The following PKN2 variants were observed in gnomAD, a reference collection of about 807,000 sequenced individuals.
PKN2 encodes the protein serine/threonine-protein kinase N2.
A neutral mutation model predicts 119.1 loss-of-function variants in PKN2; 38 were observed. The ratio of observed to expected loss-of-function variants is 0.32; its 90% CI spans 0.25 to 0.42. The LOEUF (loss-of-function observed/expected upper bound fraction) is 0.42. Among genes scored for constraint, PKN2 ranks in the 10% least tolerant of loss-of-function variants. The pLI is 1.00. For missense variants in PKN2, 850 were observed against 1,165.1 expected (o/e 0.73, Z 3.94); for synonymous variants, 390 against 384.9 (o/e 1.01, Z -0.15).
At chr1:88,733,917 G>A (rs183253777) in intron 1 of PKN2, among the ~76,000 whole-genome samples, 23 of 151,776 alleles carry the variant, frequency 1.5e-4, no homozygotes, top group Non-Finnish European at 2.6e-4. Context: ...CCAACAATTT[G>A]GGGGGGTCAA....
chr1:88,718,608 T>G (rs1667548805), intron 1 of PKN2, among the ~76,000 whole-genome samples: 1 of 152,232 alleles, frequency 6.6e-6, no homozygotes, highest in Non-Finnish European at 1.5e-5. Context: ...ACATGGCATT[T>G]GAACTGAAAA....
At chr1:88,829,275 A>G (rs999879889) in intron 19 of PKN2, 12 of 652,694 alleles carry the variant, frequency 1.8e-5, no homozygotes, top group Non-Finnish European at 2.9e-5. Flanking sequence ...AATGAAACCA[A>G]TGAGGTCAAT....
intron 6 of PKN2, among the ~76,000 whole-genome samples, chr1:88,774,901 G>T (rs1345906082): frequency 6.6e-6 from 1 of 151,826 alleles, no homozygotes; most frequent in Non-Finnish European, 1.5e-5. Flanking sequence ...TAGCAATGGC[G>T]TCTCACTGTG....
In PKN2 at chr1:88,833,790, G is replaced by A; in HGVS notation, c.*342G>A. Reference sequence around the variant, plus strand: ...TTTATAGTCCCTAGCTTTGCCATATGCCCGCCTTAAGTGGAAGGAAAGTTA... The same window carrying A: ...TTTATAGTCCCTAGCTTTGCCATATACCCGCCTTAAGTGGAAGGAAAGTTA... On this transcript the variant is annotated 3_prime_UTR_variant, in exon 22 of 22. Transcript: ENST00000370521. The A allele has an allele frequency of 1.1e-5, 2 of 188,548 alleles. No individual in the cohort carries two copies. Among genetic ancestry groups the A allele is most frequent in the Non-Finnish European group, 2.2e-5 (2 of 92,108 alleles). The allele number at this position is 188,548 out of a possible 1,614,324, so 11.7% of individuals were successfully genotyped here.
intron 1 of PKN2, among the ~76,000 whole-genome samples, chr1:88,731,149 G>GC (rs1278202671): frequency 2.0e-5 from 3 of 151,868 alleles, no homozygotes; most frequent in Non-Finnish European, 1.5e-5. Context: ...TTTGAATAAA[G>GC]TTTTTTTTTA....
intron 4 of PKN2, among the ~76,000 whole-genome samples, chr1:88,770,820 C>G (rs1452879138): frequency 6.6e-6 from 1 of 150,748 alleles, no homozygotes; most frequent in Non-Finnish European, 1.5e-5. Flanking sequence ...CTCCTGACCT[C>G]GTGATCCGCC....
In PKN2 at chr1:88,835,447, A is replaced by G. The variant is rs1357337666; in HGVS notation, c.*1999A>G. 2.0e-5 allele frequency: 3 copies of G among 151,770 alleles called. No homozygotes were observed. The highest frequency in any genetic ancestry group is 4.4e-5 in the Non-Finnish European group (3 of 67,928). 9.4% of individuals were successfully genotyped at this position (151,770 alleles called of 1,614,324 possible). A position where few individuals can be genotyped will look rare whatever the true frequency, so the allele number is the denominator to read the frequency against. On this transcript the variant is annotated 3_prime_UTR_variant, in exon 22 of 22. Coordinates refer to ENST00000370521, the MANE Select transcript of PKN2 (RefSeq NM_006256.4). The stretch of plus-strand genomic sequence containing the variant: ...TAAAAACTGACAGCATTTCGTAACT[A>G]CACAGTGTACAGAATTTTTTTTTAA...
intron 1 of PKN2, among the ~76,000 whole-genome samples, chr1:88,710,296 A>C (rs1667175408): frequency 6.6e-6 from 1 of 152,216 alleles, no homozygotes; most frequent in African/African-American, 2.4e-5. Context: ...GTTATGATTA[A>C]GATCTGTTAG....
intron 16 of PKN2, among the ~76,000 whole-genome samples, chr1:88,821,266 C>T (rs1041184122): frequency 1.3e-5 from 2 of 152,190 alleles, no homozygotes; most frequent in Admixed American, 1.3e-4. Context: ...AGTGGATGTT[C>T]TCATGATCTT....
Position 88,833,115 on chromosome 1 carries a change from C to T in PKN2, c.2709C>T (p.Ser903=), listed in dbSNP as rs368751411. The part of the protein sequence containing the change: ...RRNPERRLGA[S]EKDAEDVKKH... ...ATCCTGAACGGCGCCTTGGGGCTAG[C>T]GAGAAAGATGCAGAGGATGTAAAAA... Residue 903 remains serine, a synonymous_variant, in exon 21 of 22, where the codon AGC becomes AGT. Coordinates refer to ENST00000370521, the MANE Select transcript of PKN2 (RefSeq NM_006256.4). The T allele has an allele frequency of 4.3e-6, 7 of 1,612,612 alleles. No individual in the cohort carries two copies. The highest frequency in any genetic ancestry group is 2.2e-5 in the East Asian group (1 of 44,802).
At chr1:88,828,767 A>C in intron 19 of PKN2, 144 bp downstream of exon 19, 1 of 660,352 alleles carries the variant, frequency 1.5e-6, no homozygotes, top group African/African-American at 1.8e-5. Context: ...GTAGTCAGCT[A>C]TCTTTCTGTA....
chr1:88,808,633 G>A (rs565982434), intron 15 of PKN2, among the ~76,000 whole-genome samples: 2 of 152,232 alleles, frequency 1.3e-5, no homozygotes, highest in Admixed American at 6.5e-5. Context: ...AGGATTTGGT[G>A]GGGGTTAAGA....
chr1:88,811,936 A>T (rs1671797009), intron 15 of PKN2, among the ~76,000 whole-genome samples: 1 of 152,184 alleles, frequency 6.6e-6, no homozygotes, highest in Admixed American at 6.6e-5. Flanking sequence ...GTCTTATAAA[A>T]GAGGTTGGAT....
At position 88,760,370 on chromosome 1, in the gene PKN2, T is replaced by A. The variant is rs763099622; in HGVS notation, c.498T>A (p.Ser166=). 2 of 1,513,140 alleles carry A rather than the reference T, an allele frequency of 1.3e-6. No homozygotes were observed. The highest frequency in any genetic ancestry group is 1.8e-6 in the Non-Finnish European group (2 of 1,106,176). 93.7% of individuals were successfully genotyped at this position (1,513,140 alleles called of 1,614,324 possible). A position where few individuals can be genotyped will look rare whatever the true frequency, so the allele number is the denominator to read the frequency against. ...TGATACAGATGTATTCAAATGGATC[T>A]TCAAAGGTAAGTGTAGTTAATAAAT... ...ENMIQMYSNG[S]SKDRKLHGTA... Residue 166 remains serine (S), a synonymous_variant, in exon 3 of 22, where the codon TCT becomes TCA. Transcript: ENST00000370521.
chr1:88,710,959 T>C (rs1424120098), intron 1 of PKN2, among the ~76,000 whole-genome samples: 4 of 152,186 alleles, frequency 2.6e-5, no homozygotes, highest in African/African-American at 4.8e-5. Context: ...CATGGAATAC[T>C]ATGCAGCCAT....
At chr1:88,811,634 AG>A (rs1671786449) in intron 15 of PKN2, among the ~76,000 whole-genome samples, 1 of 152,162 alleles carries the variant, frequency 6.6e-6, no homozygotes, top group South Asian at 2.1e-4. Context: ...TTTATTAAAC[AG>A]CAATACCAGT....
At chr1:88,824,532 C>T in intron 18 of PKN2, 146 bp downstream of exon 18, 1 of 557,550 alleles carries the variant, frequency 1.8e-6, no homozygotes, top group Non-Finnish European at 3.2e-6. Context: ...GAAAACATTG[C>T]TTATATAACC....
At chr1:88,736,070 T>A (rs1165913039) in intron 1 of PKN2, among the ~76,000 whole-genome samples, 1 of 152,212 alleles carries the variant, frequency 6.6e-6, no homozygotes, top group African/African-American at 2.4e-5. Flanking sequence ...TTCAAATAGC[T>A]TGTCTTCAAG....
At chr1:88,779,759 T>C (rs575813632) in intron 6 of PKN2, among the ~76,000 whole-genome samples, 12 of 152,360 alleles carry the variant, frequency 7.9e-5, no homozygotes, top group Admixed American at 4.6e-4. Context: ...ATCAGTTTTA[T>C]TCTGTGTTAA....
Sources: allele counts gnomAD v4.1 joint callset (sites outside exome capture counted in the v4.1 genomes callset), GRCh38; gene constraint gnomAD v4.1.1; transcripts MANE v1.5; gene names NCBI Gene and HGNC (gene_info 2026-07-23, HGNC 2026-07-21).